The following PTPRE variants were observed in gnomAD, a reference collection of about 807,000 sequenced individuals.
PTPRE encodes protein tyrosine phosphatase receptor type E.
Under a neutral mutation model 102.0 loss-of-function variants are expected in PTPRE, and 51 were observed. That is an observed-to-expected ratio of 0.50 (90% CI 0.40 to 0.63). The LOEUF (loss-of-function observed/expected upper bound fraction) is 0.63, where lower values mean the gene tolerates loss of function less well. Among genes scored for constraint, PTPRE ranks in the 30% least tolerant of loss-of-function variants. The probability of loss-of-function intolerance (pLI) is 0.00; values close to 1 mark genes in which losing one functional copy is unlikely to be tolerated. For synonymous variants in PTPRE, 345 were observed against 348.2 expected, an observed-to-expected ratio of 0.99 and a Z score of 0.10; for missense variants, 752 against 915.1, an observed-to-expected ratio of 0.82 and a Z score of 2.30.
chr10:128,025,216 A>T (rs1422549206), intron 2 of PTPRE, among the ~76,000 whole-genome samples: 1 of 151,708 alleles, frequency 6.6e-6, no homozygotes, highest in Non-Finnish European at 1.5e-5. Flanking sequence ...ATTATGAAGC[A>T]TTGTTAACTC....
At chr10:128,045,386 G>A (rs1322819090) in intron 3 of PTPRE, among the ~76,000 whole-genome samples, 5 of 152,228 alleles carry the variant, frequency 3.3e-5, no homozygotes, top group Non-Finnish European at 7.3e-5. Context: ...CCATGAGTTG[G>A]CTTGGACTAA....
In PTPRE at chr10:127,963,120, G is replaced by A. The variant is rs182777223; in HGVS notation, c.-30-19154G>A. On this transcript the variant is annotated intron_variant, in intron 1 of 20. Transcript: ENST00000254667. ...CACTGAGGCAGCTCGGTCCCCCTGG[G>A]GCCTATGGAAATGCAGGTAACCCAT... Among the ~76,000 whole-genome samples, 4 of 152,266 alleles carry A rather than the reference G, an allele frequency of 2.6e-5. No homozygotes were observed. In the East Asian group the frequency reaches 5.8e-4, roughly 22 times the overall value.
Position 127,928,619 on chromosome 10 carries a change from G to C in PTPRE, c.-31+21310G>C, listed in dbSNP as rs570455571. Reference sequence around the variant, plus strand: ...TTAGCTGTGCTGGGTTAGACTCATAGGCTTATCTGGAATCCTGCACTCATC... The same window carrying C: ...TTAGCTGTGCTGGGTTAGACTCATACGCTTATCTGGAATCCTGCACTCATC... On this transcript the variant is annotated intron_variant, in intron 1 of 20. Coordinates refer to ENST00000254667, the MANE Select transcript of PTPRE (RefSeq NM_006504.6). 1.8e-4 allele frequency among the ~76,000 whole-genome samples: 27 copies of C among 152,262 alleles called. 1 individual carries two copies. Among genetic ancestry groups the C allele is most frequent in the African/African-American group, 6.3e-4 (26 of 41,536 alleles).
chr10:127,984,402 A>G (rs531849986), intron 2 of PTPRE, among the ~76,000 whole-genome samples: 2 of 152,186 alleles, frequency 1.3e-5, no homozygotes, highest in East Asian at 3.9e-4. Flanking sequence ...TCAGTGGGAA[A>G]GTAAAGCTCT....
intron 13 of PTPRE, 47 bp downstream of exon 13, chr10:128,069,874 C>A: frequency 6.2e-7 from 1 of 1,613,466 alleles, no homozygotes; most frequent in South Asian, 1.1e-5. Context: ...CCAAAGCAAA[C>A]CCGATGCCTT....
intron 1 of PTPRE, among the ~76,000 whole-genome samples, chr10:127,919,908 C>T (rs1846471090): frequency 6.6e-6 from 1 of 151,422 alleles, no homozygotes; most frequent in Admixed American, 6.6e-5. Flanking sequence ...GGTTATTTTA[C>T]TTAGCAGTGG....
At chr10:128,064,112 A>G (rs1191380069) in intron 10 of PTPRE, among the ~76,000 whole-genome samples, 2 of 152,084 alleles carry the variant, frequency 1.3e-5, no homozygotes, top group African/African-American at 4.8e-5. Context: ...GACTGTGGGG[A>G]AGGGCTGCCA....
intron 2 of PTPRE, among the ~76,000 whole-genome samples, chr10:128,018,466 A>G (rs1255795503): frequency 6.6e-6 from 1 of 152,234 alleles, no homozygotes; most frequent in Non-Finnish European, 1.5e-5. Context: ...CAATCAAAAT[A>G]GGTCTTACTG....
At chr10:127,947,343 C>T (rs916150228) in intron 1 of PTPRE, among the ~76,000 whole-genome samples, 3 of 152,174 alleles carry the variant, frequency 2.0e-5, no homozygotes, top group African/African-American at 4.8e-5. Context: ...TTCAAAACTC[C>T]TCTCCTAGGA....
chr10:128,019,917 C>T (rs1028236506), intron 2 of PTPRE, among the ~76,000 whole-genome samples: 1 of 152,156 alleles, frequency 6.6e-6, no homozygotes, highest in South Asian at 2.1e-4. Context: ...GCAATGGTCC[C>T]GGTACAGTGA....
chr10:128,030,990 C>T (rs1846706573), intron 2 of PTPRE, among the ~76,000 whole-genome samples: 1 of 152,228 alleles, frequency 6.6e-6, no homozygotes, highest in Admixed American at 6.5e-5. Context: ...TTTTCTCTCT[C>T]TGGCTGAATC....
chr10:127,921,378 T>C (rs908032908), intron 1 of PTPRE, among the ~76,000 whole-genome samples: 8 of 152,142 alleles, frequency 5.3e-5, no homozygotes, highest in African/African-American at 1.9e-4. Context: ...GGAGGAGTGA[T>C]GCCTATGTGT....
At chr10:128,027,485 C>T (rs1422345710) in intron 2 of PTPRE, among the ~76,000 whole-genome samples, 1 of 152,126 alleles carries the variant, frequency 6.6e-6, no homozygotes, top group African/African-American at 2.4e-5. Context: ...AATGCCATTT[C>T]CCTGCTGTAA....
chr10:128,031,668 CA>C (rs1197385763), intron 2 of PTPRE, among the ~76,000 whole-genome samples: 1 of 152,212 alleles, frequency 6.6e-6, no homozygotes, highest in African/African-American at 2.4e-5. Flanking sequence ...AGATGACGGG[CA>C]GGTGCAGCCA....
chr10:127,982,079 G>A (rs1004940728), intron 1 of PTPRE, among the ~76,000 whole-genome samples, 195 bp from the exon 2 acceptor site: 1 of 152,072 alleles, frequency 6.6e-6, no homozygotes, highest in African/African-American at 2.4e-5. Context: ...TTAAAGTGTG[G>A]GGTAGGACAT....
chr10:127,952,583 C>T (rs1427186176), intron 1 of PTPRE, among the ~76,000 whole-genome samples: 1 of 152,244 alleles, frequency 6.6e-6, no homozygotes, highest in East Asian at 1.9e-4. Context: ...TCACCTACAG[C>T]CCCTACCCAA....
intron 3 of PTPRE, among the ~76,000 whole-genome samples, chr10:128,042,374 T>C (rs1430622781): frequency 6.6e-6 from 1 of 152,212 alleles, no homozygotes; most frequent in African/African-American, 2.4e-5. Flanking sequence ...TTTCAGTTTA[T>C]TTGAAAACAA....
intron 1 of PTPRE, among the ~76,000 whole-genome samples, chr10:127,942,935 CATCTGTT>C (rs1848353627): frequency 6.6e-6 from 1 of 152,194 alleles, no homozygotes; most frequent in Non-Finnish European, 1.5e-5. Context: ...TTCAGGGCCG[CATCTGTT>C]ATCATAAAAC....
chr10:128,012,376 C>A (rs1441297482), intron 2 of PTPRE, among the ~76,000 whole-genome samples: 1 of 152,182 alleles, frequency 6.6e-6, no homozygotes, highest in Non-Finnish European at 1.5e-5. Flanking sequence ...CTTCTCCTTG[C>A]CCTGCACCTG....
Sources: gnomAD v4.1 joint callset for allele counts (sites outside exome capture counted in the v4.1 genomes callset) on GRCh38, gnomAD v4.1.1 for gene constraint, MANE v1.5 for transcripts, NCBI Gene and HGNC (gene_info 2026-07-23, HGNC 2026-07-21) for gene names.